The following PPFIA4 variants were observed in gnomAD, a reference collection of about 807,000 sequenced individuals.
The protein encoded by PPFIA4 is PPFI scaffold protein A4.
A neutral mutation model predicts 145.7 loss-of-function variants in PPFIA4; 98 were observed. That is an observed-to-expected ratio of 0.67 (90% CI 0.57 to 0.80). The LOEUF (loss-of-function observed/expected upper bound fraction) is 0.80. Among genes scored for constraint, PPFIA4 ranks in the 30% least tolerant of loss-of-function variants. PPFIA4 has a pLI of 0.00. For synonymous variants in PPFIA4, 628 were observed against 649.6 expected, an observed-to-expected ratio of 0.97 and a Z score of 0.51; for missense variants, 1,457 against 1,632.7, an observed-to-expected ratio of 0.89 and a Z score of 1.85.
At position 203,051,756 on chromosome 1, in the gene PPFIA4, A is replaced by G. The variant is rs1410706666; in HGVS notation, c.1512-13A>G. The G allele has an allele frequency of 6.2e-7, 1 of 1,604,206 alleles. No individual in the cohort carries two copies. The highest frequency in any genetic ancestry group is 8.5e-7 in the Non-Finnish European group (1 of 1,175,716). On this transcript the variant is annotated splice_polypyrimidine_tract_variant and intron_variant, in intron 13 of 29. Coordinates refer to ENST00000295706, the MANE Select transcript of PPFIA4 (RefSeq NM_001304331.2). The stretch of plus-strand genomic sequence containing the variant: ...TCAGGGCCTGTCTTTTCTCTCCCCC[A>G]TCACCGCTCAAGGTCGCACATGGGC...
chr1:203,029,139 C>T (rs909085829), intron 1 of PPFIA4, among the ~76,000 whole-genome samples: 8 of 152,148 alleles, frequency 5.3e-5, no homozygotes, highest in African/African-American at 1.9e-4. Flanking sequence ...CTGGTCTGAG[C>T]CTGAGACCTC....
intron 28 of PPFIA4, among the ~76,000 whole-genome samples, chr1:203,074,723 C>T (rs897307231): frequency 6.6e-5 from 10 of 152,094 alleles, no homozygotes; most frequent in Non-Finnish European, 1.5e-4. Context: ...GCATGGCTTC[C>T]AAGCAGGGTG....
chr1:203,049,389 T>C (rs1476402726), intron 12 of PPFIA4, among the ~76,000 whole-genome samples: 1 of 152,160 alleles, frequency 6.6e-6, no homozygotes, highest in African/African-American at 2.4e-5. Flanking sequence ...GCTGTGCATC[T>C]GTGCAGTAGT....
chr1:203,051,041 C>A, intron 13 of PPFIA4: 1 of 666,054 alleles, frequency 1.5e-6, no homozygotes, highest in Non-Finnish European at 1.9e-6. Flanking sequence ...CTCACTGTGT[C>A]CCTTCACTCT....
chr1:203,075,914 T>TGC lies in PPFIA4; in HGVS notation c.3574+160_3574+161dup, dbSNP rs1662503719. On this transcript the variant is annotated intron_variant, in intron 29 of 29. Coordinates refer to ENST00000295706, the MANE Select transcript of PPFIA4 (RefSeq NM_001304331.2). This position sits in a 1 kb window ranked among gnomAD's most constrained non-coding sequence, Gnocchi z 4.1. ...ACTAACGCTCCGCGGGGAGCGTGTGTGCGCACTAACCCGCCGCTCTGTGTG... is the reference window on the plus strand; with the variant it reads ...ACTAACGCTCCGCGGGGAGCGTGTGTGCGCGCACTAACCCGCCGCTCTGTGTG... The TGC allele has an allele frequency of 1.0e-5, 8 of 771,260 alleles. No homozygotes were observed. The South Asian group carries it at 2.5e-4, about 25-fold the overall frequency. The allele number at this position is 771,260 out of a possible 1,614,324, so 47.8% of individuals were successfully genotyped here. A position where few individuals can be genotyped will look rare whatever the true frequency, so the allele number is the denominator to read the frequency against.
At chr1:203,031,503 T>A (rs1658826954) in intron 1 of PPFIA4, among the ~76,000 whole-genome samples, 1 of 150,306 alleles carries the variant, frequency 6.7e-6, no homozygotes, top group African/African-American at 2.4e-5. Flanking sequence ...TGTGACCACA[T>A]ACTAATGCAC....
Position 203,068,540 on chromosome 1 carries a change from G to T in PPFIA4, c.3236G>T (p.Gly1079Val). The T allele has an allele frequency of 6.2e-7, 1 of 1,607,708 alleles. No individual in the cohort carries two copies. The highest frequency in any genetic ancestry group is 1.1e-5 in the South Asian group (1 of 89,840). ...TACGCAGGAAACCTGCATGAGAGTG[G>T]TGTGCATGGAGCCTTGCTGGCCCTG... Reference protein sequence around the residue: ...RDYAGNLHESGVHGALLALDE... With the variant: ...RDYAGNLHESVVHGALLALDE... The change falls in exon 27 of 30, where the codon GGT (glycine) becomes GTT (valine). Residue 1079 changes from glycine (G) to valine (V), a missense_variant. By Grantham distance (109) the Gly-to-Val change is moderately radical. This residue lies in a region of PPFIA4 where 848 missense variants were observed against 1,046.7 expected (regional missense o/e 0.81). Coordinates refer to ENST00000295706, the MANE Select transcript of PPFIA4 (RefSeq NM_001304331.2). The surrounding 1 kb of genome is among the most constrained non-coding windows in gnomAD (Gnocchi z 4.7).
chr1:203,048,215 C>T lies in PPFIA4; in HGVS notation c.1141-12C>T. 1.2e-6 allele frequency: 2 copies of T among 1,612,364 alleles called. No homozygotes were observed. Among genetic ancestry groups the T allele is most frequent in the East Asian group, 4.5e-5 (2 of 44,868 alleles). Reference sequence around the variant, plus strand: ...AGATCTGCGGGCTGCACCGACCCATCCCTGCCCCTAGGCTGAAGAACGGCA... The same window carrying T: ...AGATCTGCGGGCTGCACCGACCCATTCCTGCCCCTAGGCTGAAGAACGGCA... On this transcript the variant is annotated splice_polypyrimidine_tract_variant and intron_variant, in intron 9 of 29. Coordinates refer to ENST00000295706, the MANE Select transcript of PPFIA4 (RefSeq NM_001304331.2). The surrounding 1 kb of genome is among the most constrained non-coding windows in gnomAD (Gnocchi z 5.8).
At chr1:203,067,287 T>A (rs1427063211) in intron 25 of PPFIA4, among the ~76,000 whole-genome samples, 3 of 152,176 alleles carry the variant, frequency 2.0e-5, no homozygotes, top group African/African-American at 4.8e-5. Context: ...GAGCAGATCA[T>A]GGAGTATCTT....
rs765442203 is a variant in PPFIA4 at position 203,068,598 on chromosome 1, G to T, written c.3294G>T (p.Leu1098=). Reference sequence around the variant, plus strand: ...ACTTCGACCACAACACACTGGCCCTGATCCTCCAGATCCCCACACAGAACA... The same window carrying T: ...ACTTCGACCACAACACACTGGCCCTTATCCTCCAGATCCCCACACAGAACA... ...DENFDHNTLA[L]ILQIPTQNTQ... is the part of the protein sequence containing the mutation. The change falls in exon 27 of 30, where the codon CTG becomes CTT. Residue 1098 remains leucine, a synonymous_variant. Transcript: ENST00000295706. This position sits in a 1 kb window ranked among gnomAD's most constrained non-coding sequence, Gnocchi z 4.7. 17 of 1,562,856 alleles carry T rather than the reference G, an allele frequency of 1.1e-5. No individual in the cohort carries two copies.
At position 203,044,452 on chromosome 1, in the gene PPFIA4, A is replaced by AGGTAATCTGCCTGCTCACCCT; in HGVS notation, c.576_576+20dup. The AGGTAATCTGCCTGCTCACCCT allele has an allele frequency of 6.4e-7, 1 of 1,550,784 alleles. No individual in the cohort carries two copies. Among genetic ancestry groups the AGGTAATCTGCCTGCTCACCCT allele is most frequent in the Non-Finnish European group, 8.7e-7 (1 of 1,147,048 alleles). The stretch of plus-strand genomic sequence containing the variant: ...GAGCAGCTGGCAGGTGCCCACCAGC[A>AGGTAATCTGCCTGCTCACCCT]GGTAATCTGCCTGCTCACCCTCAGT... On this transcript the variant is annotated inframe_insertion and splice_region_variant, in exon 5 of 30. Transcript: ENST00000295706.
chr1:203,042,655 G>A (rs997872821), intron 2 of PPFIA4, among the ~76,000 whole-genome samples: 2 of 151,804 alleles, frequency 1.3e-5, no homozygotes, highest in East Asian at 1.9e-4. Context: ...TTTATTTTTC[G>A]AGACGGAGGC....
chr1:203,039,061 A>T lies in PPFIA4; in HGVS notation c.53A>T (p.His18Leu), dbSNP rs746141746. Residue 18 changes from histidine to leucine, a missense_variant, in exon 2 of 30, where the codon CAT becomes CTT. Physicochemically the swap from His to Leu is moderately conservative, Grantham distance 99. Transcript: ENST00000295706. ...GAGGGGGACCGCCTGGGTCCCCCTC[A>T]TGGCGCCGATGCTGACGCCAACTTC... is the stretch of plus-strand genomic sequence containing the variant. ...INEGDRLGPP[H>L]GADADANFEQ... 1.9e-6 allele frequency: 3 copies of T among 1,601,734 alleles called. No individual in the cohort carries two copies. Among genetic ancestry groups the T allele is most frequent in the Admixed American group, 3.4e-5 (2 of 58,122 alleles).
At chr1:203,058,016 C>T (rs886487949) in intron 19 of PPFIA4, among the ~76,000 whole-genome samples, 4 of 151,952 alleles carry the variant, frequency 2.6e-5, no homozygotes, top group Non-Finnish European at 4.4e-5. Context: ...TAGGCTGGGG[C>T]CAGCTGTGAG....
In PPFIA4 at chr1:203,060,373, A is replaced by C. The variant is rs1265152217; in HGVS notation, c.2740A>C (p.Met914Leu). 6.2e-7 allele frequency: 1 copy of C among 1,613,746 alleles called. No homozygotes were observed. The highest frequency in any genetic ancestry group is 1.3e-5 in the African/African-American group (1 of 74,896). The change falls in exon 22 of 30, where the codon ATG becomes CTG. Residue 914 changes from methionine to leucine, a missense_variant. This residue lies in a region of PPFIA4 where 848 missense variants were observed against 1,046.7 expected (regional missense o/e 0.81). Coordinates refer to ENST00000295706, the MANE Select transcript of PPFIA4 (RefSeq NM_001304331.2). This position sits in a 1 kb window ranked among gnomAD's most constrained non-coding sequence, Gnocchi z 4.8. Reference protein sequence around the residue: ...RLKLRLAIQEMVSLTSPSAPP... With the variant: ...RLKLRLAIQELVSLTSPSAPP... ...CAAGCTCCGCCTGGCCATTCAGGAG[A>C]TGGTGTCATTGACCAGCCCCTCTGC...
chr1:203,030,911 A>C (rs1270848903), intron 1 of PPFIA4, among the ~76,000 whole-genome samples: 1 of 152,172 alleles, frequency 6.6e-6, no homozygotes, highest in Non-Finnish European at 1.5e-5. Context: ...AATTATATGC[A>C]GTCAAGATCC....
intron 12 of PPFIA4, among the ~76,000 whole-genome samples, chr1:203,049,262 CA>C (rs1297035858): frequency 1.3e-5 from 2 of 152,188 alleles, no homozygotes; most frequent in African/African-American, 4.8e-5. Context: ...GAGGGAGCTT[CA>C]AACCCTGGTG....
intron 2 of PPFIA4, among the ~76,000 whole-genome samples, chr1:203,041,747 T>C (rs1659709386): frequency 6.6e-6 from 1 of 151,968 alleles, no homozygotes; most frequent in Non-Finnish European, 1.5e-5. Flanking sequence ...AGCCTTTTGG[T>C]GGTGGTGTCA....
chr1:203,061,705 C>A, intron 24 of PPFIA4, 27 bp downstream of exon 24: 1 of 1,556,320 alleles, frequency 6.4e-7, no homozygotes, highest in Admixed American at 1.9e-5. Flanking sequence ...TGTCTAGAAC[C>A]AGCTCCCAAA....
Sources: allele counts gnomAD v4.1 joint callset (sites outside exome capture counted in the v4.1 genomes callset), GRCh38; gene constraint gnomAD v4.1.1; regional missense constraint gnomAD v4.1.1; non-coding constraint Gnocchi (gnomAD v3.1); transcripts MANE v1.5; gene names NCBI Gene and HGNC (gene_info 2026-07-23, HGNC 2026-07-21).